Variants in INPP4B observed in about 807,000 individuals in gnomAD.
The protein encoded by INPP4B is inositol polyphosphate-4-phosphatase type II B, also known as inositol polyphosphate 4-phosphatase type II.
In INPP4B, 55 loss-of-function variants were observed where a neutral mutation model predicts 122.5. That is an observed-to-expected ratio of 0.45 (90% confidence interval 0.36 to 0.56). The LOEUF is 0.56. INPP4B is among the 20% of genes least tolerant of loss of function. The pLI, the probability that INPP4B is intolerant of heterozygous loss-of-function variation, is 0.00. For missense variants in INPP4B, 1,000 were observed against 1,097.7 expected (o/e 0.91, Z 1.26); for synonymous variants, 403 against 388.7 (o/e 1.04, Z -0.43).
In INPP4B at chr4:142,661,543, C is replaced by CTA. The variant is rs1755168416; in HGVS notation, c.-191+64295_-191+64296insTA. Among the ~76,000 whole-genome samples, 5 of 152,140 alleles carry CTA rather than the reference C, an allele frequency of 3.3e-5. No individual in the cohort carries two copies. The South Asian group carries it at 8.3e-4, about 25-fold the overall frequency. ...TAGTAGGTAATGTTTGAGAGTTTCT[C>CTA]CACCTGCAATATTGTATCTTTTATA... On this transcript the variant is annotated intron_variant, in intron 2 of 25. Coordinates refer to ENST00000262992, the MANE Select transcript of INPP4B (RefSeq NM_001101669.3).
At chr4:142,347,442 T>C (rs1490758357) in intron 7 of INPP4B, 2 of 417,804 alleles carry the variant, frequency 4.8e-6, no homozygotes, top group Non-Finnish European at 9.4e-6. Context: ...ACTTGAAGTA[T>C]TGCATCACAG....
chr4:142,735,714 C>A (rs1486047483), intron 1 of INPP4B, among the ~76,000 whole-genome samples: 3 of 152,054 alleles, frequency 2.0e-5, no homozygotes, highest in South Asian at 2.1e-4. Flanking sequence ...GTCTCTATGT[C>A]TTATTATTAG....
chr4:142,626,732 G>T (rs968484166), intron 2 of INPP4B, among the ~76,000 whole-genome samples: 4 of 151,962 alleles, frequency 2.6e-5, no homozygotes, highest in Admixed American at 6.6e-5. Flanking sequence ...CCCAATAAAA[G>T]AAACCAACAT....
chr4:142,520,412 A>G (rs979285439), intron 2 of INPP4B, among the ~76,000 whole-genome samples: 2 of 151,972 alleles, frequency 1.3e-5, no homozygotes, highest in Non-Finnish European at 2.9e-5. Flanking sequence ...TTTATAAATT[A>G]TTGAAGGAGT....
chr4:142,115,887 A>T (rs1176484809), intron 21 of INPP4B, among the ~76,000 whole-genome samples: 1 of 152,142 alleles, frequency 6.6e-6, no homozygotes, highest in African/African-American at 2.4e-5. Context: ...AAAAGTCAAG[A>T]CCCATCAGTG....
chr4:142,504,844 TG>T (rs1180107706), intron 2 of INPP4B, among the ~76,000 whole-genome samples: 1 of 151,956 alleles, frequency 6.6e-6, no homozygotes, highest in Non-Finnish European at 1.5e-5. Context: ...AAGAGAAACA[TG>T]GAAGAATGAA....
chr4:142,841,396 A>G (rs1463460640), intron 1 of INPP4B, among the ~76,000 whole-genome samples: 1 of 152,028 alleles, frequency 6.6e-6, no homozygotes, highest in African/African-American at 2.4e-5. Context: ...AAGCCCCATG[A>G]AAATGAATGA....
At chr4:142,648,942 T>C (rs899695099) in intron 2 of INPP4B, among the ~76,000 whole-genome samples, 1 of 152,162 alleles carries the variant, frequency 6.6e-6, no homozygotes, top group Non-Finnish European at 1.5e-5. Flanking sequence ...TACCTCCCAG[T>C]AGGGGCCGAC....
At chr4:142,076,592 C>A (rs1578819543) in intron 25 of INPP4B, among the ~76,000 whole-genome samples, 1 of 151,988 alleles carries the variant, frequency 6.6e-6, no homozygotes, top group South Asian at 2.1e-4. Context: ...CAATACTTAG[C>A]AATCATGGAA....
chr4:142,380,512 T>C (rs1351327277), intron 7 of INPP4B, among the ~76,000 whole-genome samples: 1 of 152,150 alleles, frequency 6.6e-6, no homozygotes, highest in East Asian at 1.9e-4. Context: ...ATCTTCAAGA[T>C]GCAAAAGAGA....
rs1056798447 is a variant in INPP4B at position 142,431,342 on chromosome 4, A to G, written c.-83T>C. 1 of 913,996 alleles carries G rather than the reference A, an allele frequency of 1.1e-6. No homozygotes were observed. 56.6% of individuals were successfully genotyped at this position (913,996 alleles called of 1,614,324 possible). On this transcript the variant is annotated 5_prime_UTR_variant, in exon 4 of 26. Coordinates refer to ENST00000262992, the MANE Select transcript of INPP4B (RefSeq NM_001101669.3). Reference sequence around the variant, plus strand: ...GTGATTCCTGGTTTAATGTAGATGTATCTTCACACTAAAGATCTGATATCC... The same window carrying G: ...GTGATTCCTGGTTTAATGTAGATGTGTCTTCACACTAAAGATCTGATATCC...
Position 142,152,066 on chromosome 4 carries a change from C to CTTTTTTTTTTTTT in INPP4B, c.1564-6083_1564-6071dup, listed in dbSNP as rs572092121. ...TGCCTAACATGCTTTTTTGTCTTTT[C>CTTTTTTTTTTTTT]TTTTTTTTTTTTTTTTTTTTTTTTT... is the stretch of plus-strand genomic sequence containing the variant. On this transcript the variant is annotated intron_variant, in intron 17 of 25. Transcript: ENST00000262992. Among the ~76,000 whole-genome samples, 35 of 69,948 alleles carry CTTTTTTTTTTTTT rather than the reference C, an allele frequency of 5.0e-4. 3 individuals are homozygous for CTTTTTTTTTTTTT. Among genetic ancestry groups the CTTTTTTTTTTTTT allele is most frequent in the African/African-American group, 1.9e-3 (35 of 17,998 alleles). 45.9% of individuals were successfully genotyped at this position (69,948 alleles called of 152,430 possible). A position where few individuals can be genotyped will look rare whatever the true frequency, so the allele number is the denominator to read the frequency against.
chr4:142,753,123 T>C (rs973150715), intron 1 of INPP4B, among the ~76,000 whole-genome samples: 4 of 152,140 alleles, frequency 2.6e-5, no homozygotes, highest in African/African-American at 9.6e-5. Flanking sequence ...TTTACTGAGA[T>C]GTAATGTTTA....
chr4:142,305,393 C>T (rs994230670), intron 9 of INPP4B, 65 bp downstream of exon 9: 4 of 1,224,908 alleles, frequency 3.3e-6, no homozygotes, highest in Non-Finnish European at 4.7e-6. Flanking sequence ...TTCAAACACA[C>T]TGGCCATCAA....
intron 2 of INPP4B, among the ~76,000 whole-genome samples, chr4:142,568,132 C>G (rs1732038287): frequency 7.5e-6 from 1 of 133,026 alleles, no homozygotes; most frequent in Non-Finnish European, 1.6e-5. Context: ...ATTCTTTCCC[C>G]TTTTCCTTTC....
intron 12 of INPP4B, among the ~76,000 whole-genome samples, chr4:142,221,170 C>T (rs927499695): frequency 2.6e-5 from 4 of 151,960 alleles, no homozygotes; most frequent in East Asian, 1.9e-4. Flanking sequence ...GAGGCCGAGG[C>T]GAGTGGATCA....
intron 2 of INPP4B, among the ~76,000 whole-genome samples, chr4:142,713,730 T>A (rs1763397433): frequency 6.6e-6 from 1 of 152,186 alleles, no homozygotes; most frequent in South Asian, 2.1e-4. Context: ...TGAGTGTCCC[T>A]GGAGTCCCCT....
At chr4:142,238,561 A>C (rs1055338014) in intron 11 of INPP4B, among the ~76,000 whole-genome samples, 4 of 152,100 alleles carry the variant, frequency 2.6e-5, no homozygotes, top group Admixed American at 1.3e-4. Flanking sequence ...CGTGTCAGAA[A>C]GGTTCACTCT....
chr4:142,042,057 C>T (rs2064912866), intron 25 of INPP4B, among the ~76,000 whole-genome samples: 1 of 152,176 alleles, frequency 6.6e-6, no homozygotes, highest in African/African-American at 2.4e-5. Context: ...ACTCCATAGC[C>T]ATCCATCAGC....
Sources: allele counts gnomAD v4.1 joint callset (sites outside exome capture counted in the v4.1 genomes callset), GRCh38; gene constraint gnomAD v4.1.1; transcripts MANE v1.5; gene names NCBI Gene and HGNC (gene_info 2026-07-23, HGNC 2026-07-21).